PDZD9: variants seen among roughly 807,000 people sequenced by gnomAD.
PDZD9 encodes the protein PDZ domain containing 9, also known as PDZ domain-containing protein 9.
PDZD9 carries 13 observed loss-of-function variants against 16.3 expected under a neutral mutation model. That is an observed-to-expected ratio of 0.80 (90% confidence interval 0.52 to 1.27). PDZD9 has a LOEUF of 1.27. Among genes scored for constraint, PDZD9 ranks in the 50% most tolerant of loss-of-function variants. The pLI is 0.00. For synonymous variants in PDZD9, 120 were observed against 111.0 expected (o/e 1.08, Z -0.51); for missense variants, 288 against 310.9 (o/e 0.93, Z 0.55).
At chr16:21,968,602 C>A in the PDZD9 span, 1 of 1,579,264 alleles carries the variant, frequency 6.3e-7, no homozygotes, top group Non-Finnish European at 8.6e-7. Flanking sequence ...CTAATATAAC[C>A]TAATAAGTGT....
chr16:21,990,835 A>G (rs1899004483), intron 2 of PDZD9, among the ~76,000 whole-genome samples: 1 of 152,226 alleles, frequency 6.6e-6, no homozygotes. Flanking sequence ...CTGTAAACCA[A>G]ACATGTCAGC....
At chr16:21,980,030 T>C (rs946147116), downstream of PDZD9, among the ~76,000 whole-genome samples, 1 of 152,134 alleles carries the variant, frequency 6.6e-6, no homozygotes, top group East Asian at 1.9e-4. Context: ...TGAGCACATA[T>C]GAGATAACCT....
Position 21,984,182 on chromosome 16 carries a change from CCT to C in PDZD9, c.*83_*84del. The C allele has an allele frequency of 7.0e-7, 1 of 1,435,672 alleles. No homozygotes were observed. Among genetic ancestry groups the C allele is most frequent in the Admixed American group, 2.1e-5 (1 of 47,138 alleles). The allele number at this position is 1,435,672 out of a possible 1,614,324, so 88.9% of individuals were successfully genotyped here. On this transcript the variant is annotated 3_prime_UTR_variant, in exon 4 of 4. Coordinates refer to ENST00000424898, the MANE Select transcript of PDZD9 (RefSeq NM_001363519.1). ...GAGAATTGGTGAGTCTACAGACAGT[CCT>C]TGATAAGTACAGCAAACTTGTGCCT...
chr16:21,973,362 G>C, the PDZD9 span, among the ~76,000 whole-genome samples: 3 of 152,110 alleles, frequency 2.0e-5, no homozygotes, highest in Non-Finnish European at 4.4e-5. Context: ...GTTCACCCTA[G>C]AGAGCTAAAA....
intron 3 of PDZD9, among the ~76,000 whole-genome samples, chr16:21,988,031 CAA>C (rs1276169980): frequency 1.1e-5 from 1 of 90,230 alleles, no homozygotes; most frequent in Admixed American, 1.5e-4. Context: ...TTTTTTGAGA[CAA>C]AGTCTCGCTC....
chr16:21,985,982 C>T (rs1898867869), intron 3 of PDZD9, among the ~76,000 whole-genome samples: 1 of 151,388 alleles, frequency 6.6e-6, no homozygotes, highest in African/African-American at 2.4e-5. Context: ...TTTTTTCAGA[C>T]TGCAGGGGGA....
chr16:21,962,796 C>T, the PDZD9 span: 32 of 1,614,144 alleles, frequency 2.0e-5, no homozygotes, highest in African/African-American at 2.3e-4. Context: ...AATGTCACCA[C>T]AGCACCAGAA....
In PDZD9 at chr16:21,996,498, C is replaced by G; in HGVS notation, c.35G>C (p.Arg12Thr). ...QKASHKNKKERGVSNKVKTSV... is the reference protein window; with the variant it reads ...QKASHKNKKETGVSNKVKTSV... ...TGTTTTGACCTTGTTGCTGACTCCT[C>G]TTTCTAACCAAAAGAGGGGAACTTA... Residue 12 changes from arginine to threonine, a missense_variant, in exon 2 of 4, where the codon AGA becomes ACA. Physicochemically the swap from Arg to Thr is moderately conservative, Grantham distance 71. Coordinates refer to ENST00000424898, the MANE Select transcript of PDZD9 (RefSeq NM_001363519.1). 6.5e-7 allele frequency: 1 copy of G among 1,533,866 alleles called. No homozygotes were observed. Among genetic ancestry groups the G allele is most frequent in the Non-Finnish European group, 8.7e-7 (1 of 1,145,112 alleles).
chr16:21,996,197 A>G, intron 2 of PDZD9, 125 bp downstream of exon 2: 1 of 1,208,154 alleles, frequency 8.3e-7, no homozygotes, highest in Non-Finnish European at 1.1e-6. Context: ...AAGTGCTGGG[A>G]TTACAGGCAT....
At chr16:21,979,331 C>T (rs115071762), downstream of PDZD9, among the ~76,000 whole-genome samples, 166 of 152,302 alleles carry the variant, frequency 1.1e-3, no homozygotes, top group African/African-American at 3.8e-3. Flanking sequence ...GGAAAACCAT[C>T]GCAATTTCAG....
intron 3 of PDZD9, 64 bp from the exon 4 acceptor site, chr16:21,984,724 C>T (rs1480140188): frequency 7.6e-7 from 1 of 1,308,098 alleles, no homozygotes; most frequent in Non-Finnish European, 1.0e-6. Context: ...GGTCCCCTAA[C>T]AAGATGCCTT....
chr16:21,985,379 A>G (rs1274643802), intron 3 of PDZD9, among the ~76,000 whole-genome samples: 2 of 152,080 alleles, frequency 1.3e-5, no homozygotes, highest in Non-Finnish European at 2.9e-5. Flanking sequence ...GCCTCAAGCA[A>G]TCTTTACTTT....
chr16:21,979,328 C>T (rs1056071460), downstream of PDZD9, among the ~76,000 whole-genome samples: 1 of 152,156 alleles, frequency 6.6e-6, no homozygotes, highest in Non-Finnish European at 1.5e-5. Context: ...GGAGGAAAAC[C>T]ATCGCAATTT....
At chr16:21,967,833 G>A in the PDZD9 span, among the ~76,000 whole-genome samples, 1 of 152,116 alleles carries the variant, frequency 6.6e-6, no homozygotes, top group East Asian at 1.9e-4. Flanking sequence ...CGAGAAGGGT[G>A]TTGTGGTAAA....
At chr16:21,958,704 TAAG>T in the PDZD9 span, 1 of 978,428 alleles carries the variant, frequency 1.0e-6, no homozygotes, top group Non-Finnish European at 1.5e-6. Flanking sequence ...TTAAGCAACA[TAAG>T]AAGGAAAAGA....
At chr16:21,982,949 G>A, downstream of PDZD9, 1 of 760,080 alleles carries the variant, frequency 1.3e-6, no homozygotes, top group Non-Finnish European at 2.0e-6. Flanking sequence ...GGGTGACAGA[G>A]CGAGACTCCA....
the PDZD9 span, among the ~76,000 whole-genome samples, chr16:21,959,175 G>A: frequency 6.6e-6 from 1 of 152,122 alleles, no homozygotes; most frequent in African/African-American, 2.4e-5. Flanking sequence ...GAAGTTTGCT[G>A]CATTGATTGA....
chr16:21,965,070 G>A, the PDZD9 span, among the ~76,000 whole-genome samples: 25 of 149,842 alleles, frequency 1.7e-4, no homozygotes, highest in African/African-American at 5.6e-4. Flanking sequence ...CACATGGCAA[G>A]ATGGCGGCAG....
At chr16:21,965,408 A>T in the PDZD9 span, 1 of 1,613,648 alleles carries the variant, frequency 6.2e-7, no homozygotes, top group Admixed American at 1.7e-5. Flanking sequence ...TATCTCACAG[A>T]TGTCATTGAA....
Sources: allele counts gnomAD v4.1 joint callset (sites outside exome capture counted in the v4.1 genomes callset), GRCh38; gene constraint gnomAD v4.1.1; transcripts MANE v1.5; gene names NCBI Gene and HGNC (gene_info 2026-07-23, HGNC 2026-07-21).